The following GALNTL5 variants were observed in gnomAD, a reference collection of about 807,000 sequenced individuals.
GALNTL5 encodes inactive polypeptide N-acetylgalactosaminyltransferase-like protein 5.
Under a neutral mutation model 51.0 loss-of-function variants are expected in GALNTL5, and 44 were observed. That is an observed-to-expected ratio of 0.86 (90% CI 0.68 to 1.11). The LOEUF (loss-of-function observed/expected upper bound fraction) is 1.11. Ranked by LOEUF, GALNTL5 falls within the 50% of genes least tolerant of loss-of-function variation. The pLI is 0.00. For missense variants in GALNTL5, 528 were observed against 531.8 expected, an observed-to-expected ratio of 0.99 and a Z score of 0.07; for synonymous variants, 192 against 182.8, an observed-to-expected ratio of 1.05 and a Z score of -0.41.
intron 8 of GALNTL5, among the ~76,000 whole-genome samples, chr7:152,015,058 A>G (rs1294791199): frequency 2.0e-5 from 3 of 152,070 alleles, no homozygotes; most frequent in Non-Finnish European, 4.4e-5. Context: ...AGGATAAAAA[A>G]CTACCTATTG....
At chr7:151,990,295 C>T (rs996921847) in intron 5 of GALNTL5, among the ~76,000 whole-genome samples, 4 of 151,976 alleles carry the variant, frequency 2.6e-5, no homozygotes, top group Admixed American at 1.3e-4. Flanking sequence ...CTACCTGCCT[C>T]GGCCTCCTGA....
At chr7:152,014,602 G>A (rs373668009) in intron 7 of GALNTL5, 42 bp from the exon 8 acceptor site, 41 of 1,565,778 alleles carry the variant, frequency 2.6e-5, no homozygotes, top group Non-Finnish European at 3.3e-5. Context: ...CCTGTTAGCA[G>A]TAATAATGCA....
At chr7:152,019,605 GT>G (rs773990052) in intron 8 of GALNTL5, 40 bp from the exon 9 acceptor site, 17 of 1,567,620 alleles carry the variant, frequency 1.1e-5, no homozygotes, top group Non-Finnish European at 1.5e-5. Context: ...GCAAAGATTT[GT>G]TTGGTTGAAC....
At chr7:151,984,432 A>C (rs2081335392) in intron 4 of GALNTL5, among the ~76,000 whole-genome samples, 2 of 152,218 alleles carry the variant, frequency 1.3e-5, no homozygotes, top group African/African-American at 4.8e-5. Flanking sequence ...GATGAGGAGA[A>C]GCAGTAGGAA....
At chr7:152,003,773 G>A (rs971797419) in intron 6 of GALNTL5, among the ~76,000 whole-genome samples, 6 of 152,104 alleles carry the variant, frequency 3.9e-5, no homozygotes, top group African/African-American at 1.4e-4. Context: ...AAATAGCTAT[G>A]GTGTTCCAAT....
chr7:151,987,614 T>TGGGGG (rs1293942685), intron 5 of GALNTL5, among the ~76,000 whole-genome samples: 2 of 3,702 alleles, frequency 5.4e-4, no homozygotes, highest in African/African-American at 1.8e-3. Context: ...AGAGCAAGAC[T>TGGGGG]GGGGGTGGGG....
In GALNTL5 at chr7:152,002,696, C is replaced by T. The variant is rs1413302019; in HGVS notation, c.659-18C>T. ...TTCAGCTATGTGGACTAACATTGCC[C>T]TGTTCTTGCCTCCCCAGGGGATGTT... On this transcript the variant is annotated intron_variant, in intron 5 of 8. Transcript: ENST00000392800. The T allele has an allele frequency of 6.2e-7, 1 of 1,613,020 alleles. No individual in the cohort carries two copies.
chr7:151,961,813 C>G (rs1476859052), intron 1 of GALNTL5, among the ~76,000 whole-genome samples: 3 of 152,040 alleles, frequency 2.0e-5, no homozygotes, highest in Non-Finnish European at 4.4e-5. Context: ...GTTTGCATTT[C>G]TAATCTGTTT....
At chr7:152,014,135 T>C (rs192192630) in intron 7 of GALNTL5, among the ~76,000 whole-genome samples, 17 of 152,342 alleles carry the variant, frequency 1.1e-4, no homozygotes, top group African/African-American at 3.1e-4. Context: ...TTCTGTGTCA[T>C]TGGGCAAACT....
At chr7:151,997,861 A>G (rs2081519754) in intron 5 of GALNTL5, among the ~76,000 whole-genome samples, 1 of 152,226 alleles carries the variant, frequency 6.6e-6, no homozygotes, top group African/African-American at 2.4e-5. Flanking sequence ...ATTTCATACC[A>G]TAACCCAAAT....
intron 1 of GALNTL5, among the ~76,000 whole-genome samples, chr7:151,964,155 C>G (rs1200426925): frequency 6.6e-6 from 1 of 152,250 alleles, no homozygotes; most frequent in Admixed American, 6.5e-5. Context: ...CAAGCACCTG[C>G]CTGGGGACTC....
At chr7:151,958,813 C>T (rs1042321750) in intron 1 of GALNTL5, among the ~76,000 whole-genome samples, 4 of 152,274 alleles carry the variant, frequency 2.6e-5, no homozygotes, top group Middle Eastern at 3.4e-3. Context: ...GGAGAGTCAG[C>T]AAGGCAGAGA....
At chr7:151,983,176 C>T (rs1262953018) in intron 4 of GALNTL5, 24 bp downstream of exon 4, 2 of 1,581,192 alleles carry the variant, frequency 1.3e-6, no homozygotes, top group Admixed American at 3.4e-5. Context: ...CTCATTATCT[C>T]ATCTACTTTG....
intron 1 of GALNTL5, among the ~76,000 whole-genome samples, chr7:151,965,667 C>T (rs1011483115): frequency 2.0e-5 from 3 of 151,990 alleles, no homozygotes; most frequent in Admixed American, 6.6e-5. Flanking sequence ...TTGCTTGAGC[C>T]CAGGAGTTCA....
At chr7:152,015,551 G>A (rs2081800275) in intron 8 of GALNTL5, among the ~76,000 whole-genome samples, 1 of 151,898 alleles carries the variant, frequency 6.6e-6, no homozygotes, top group Admixed American at 6.6e-5. Flanking sequence ...GTAGAGACAG[G>A]GTTTCACCAT....
chr7:151,960,302 C>T (rs2080975918), intron 1 of GALNTL5: 1 of 152,258 alleles, frequency 6.6e-6, no homozygotes. Flanking sequence ...TGATTCACAG[C>T]CAGTGAGATT....
At chr7:151,995,057 T>TC (rs1332548442) in intron 5 of GALNTL5, 1 of 152,694 alleles carries the variant, frequency 6.5e-6, no homozygotes, top group African/African-American at 2.4e-5. Context: ...GCGCCCGGCC[T>TC]CCCCCATTTC....
At chr7:152,002,147 G>A (rs1375519181) in intron 5 of GALNTL5, among the ~76,000 whole-genome samples, 1 of 152,058 alleles carries the variant, frequency 6.6e-6, no homozygotes. Flanking sequence ...TGGCATGTTG[G>A]CAGGCACCTG....
At chr7:151,999,029 C>A (rs558392469) in intron 5 of GALNTL5, among the ~76,000 whole-genome samples, 1 of 152,268 alleles carries the variant, frequency 6.6e-6, no homozygotes, top group South Asian at 2.1e-4. Flanking sequence ...AAAAGAAAGT[C>A]TTTTAGCCAT....
Sources: allele counts gnomAD v4.1 joint callset (sites outside exome capture counted in the v4.1 genomes callset), GRCh38; gene constraint gnomAD v4.1.1; transcripts MANE v1.5; gene names NCBI Gene and HGNC (gene_info 2026-07-23, HGNC 2026-07-21).